Variants in RNF111 observed in about 807,000 individuals in gnomAD.
RNF111 encodes the protein E3 ubiquitin-protein ligase Arkadia.
A neutral mutation model predicts 95.1 loss-of-function variants in RNF111; 17 were observed. The observed-to-expected ratio is 0.18, with a 90% CI of 0.12 to 0.27. The LOEUF (loss-of-function observed/expected upper bound fraction) is 0.27. Among genes scored for constraint, RNF111 ranks in the 10% least tolerant of loss-of-function variants. The pLI, the probability that RNF111 is intolerant of heterozygous loss-of-function variation, is 1.00. For missense variants in RNF111, 1,189 were observed against 1,210.4 expected (o/e 0.98, Z 0.26); for synonymous variants, 440 against 414.8 (o/e 1.06, Z -0.74).
chr15:59,095,925 ATTAGT>A lies in RNF111; in HGVS notation c.*1029_*1033del, dbSNP rs1316522390. The A allele has an allele frequency of 5.0e-6, 2 of 397,888 alleles. No homozygotes were observed. The highest frequency in any genetic ancestry group is 4.1e-5 in the African/African-American group (2 of 48,606). The allele number at this position is 397,888 out of a possible 1,614,324, so 24.6% of individuals were successfully genotyped here. A position where few individuals can be genotyped will look rare whatever the true frequency, so the allele number is the denominator to read the frequency against. Reference sequence around the variant, plus strand: ...CCAGGATCACTTTTAAGGGATTTTTATTAGTTTAAAGGTAAATAAAGTCAGCTGAA... The same window carrying A: ...CCAGGATCACTTTTAAGGGATTTTTATTAAAGGTAAATAAAGTCAGCTGAA... On this transcript the variant is annotated 3_prime_UTR_variant, in exon 14 of 14. Transcript: ENST00000348370.
At chr15:59,035,281 C>T (rs745969875) in intron 2 of RNF111, among the ~76,000 whole-genome samples, 10 of 152,254 alleles carry the variant, frequency 6.6e-5, no homozygotes, top group South Asian at 2.1e-4. Context: ...CTGCCCCTGC[C>T]GCTTCCAAAT....
chr15:59,091,724 A>G (rs1384701928), intron 12 of RNF111, among the ~76,000 whole-genome samples: 1 of 152,156 alleles, frequency 6.6e-6, no homozygotes, highest in East Asian at 1.9e-4. Flanking sequence ...ACGGTCCCCA[A>G]CCTTTTTGAC....
intron 1 of RNF111, among the ~76,000 whole-genome samples, chr15:59,004,639 T>C (rs62002515): frequency 0.067 from 10,272 of 152,270 alleles, 495 homozygotes; most frequent in Admixed American, 0.18. Flanking sequence ...GAATTTTCAC[T>C]TCACTGTCTG....
Position 59,065,865 on chromosome 15 carries a change from G to A in RNF111, c.1367-899G>A, listed in dbSNP as rs551795244. Among the ~76,000 whole-genome samples, 91 of 152,250 alleles carry A rather than the reference G, an allele frequency of 6.0e-4. 1 individual carries two copies. Among genetic ancestry groups the A allele is most frequent in the Admixed American group, 1.7e-3 (26 of 15,292 alleles). ...GTCTCTACAAAAAATACAAAAATTA[G>A]CCAGGCGTGGTGGTGTGTGCCTATG... On this transcript the variant is annotated intron_variant, in intron 5 of 13. Coordinates refer to ENST00000348370, the MANE Select transcript of RNF111 (RefSeq NM_017610.8).
Position 59,052,328 on chromosome 15 carries a change from G to T in RNF111, c.904G>T (p.Val302Leu), listed in dbSNP as rs2042023205. The T allele has an allele frequency of 6.3e-7, 1 of 1,597,582 alleles. No homozygotes were observed. The highest frequency in any genetic ancestry group is 1.3e-5 in the African/African-American group (1 of 74,416). ...PSGSIDEDVVVIEASSTPQVT... is the reference protein window; with the variant it reads ...PSGSIDEDVVLIEASSTPQVT... ...AGGAAGTATTGATGAAGATGTTGTG[G>T]TGATAGAAGCTTCCTCCACTCCCCA... The change falls in exon 3 of 14, where the codon GTG becomes TTG. Residue 302 changes from valine (V) to leucine (L), a missense_variant. Around this residue, in one of 2 missense-constraint regions of RNF111, gnomAD observed 1,024 missense variants for 925.9 expected, o/e 1.11. Coordinates refer to ENST00000348370, the MANE Select transcript of RNF111 (RefSeq NM_017610.8).
chr15:59,058,035 T>A (rs546659458), intron 4 of RNF111, among the ~76,000 whole-genome samples: 2 of 152,224 alleles, frequency 1.3e-5, no homozygotes, highest in Admixed American at 1.3e-4. Flanking sequence ...TAAGGAACTT[T>A]TATTTCCTTT....
Position 59,052,382 on chromosome 15 carries a change from A to G in RNF111, c.958A>G (p.Thr320Ala), listed in dbSNP as rs1398048751. The G allele has an allele frequency of 1.2e-6, 2 of 1,603,852 alleles. No homozygotes were observed. The highest frequency in any genetic ancestry group is 1.7e-6 in the Non-Finnish European group (2 of 1,175,676). Reference protein sequence around the residue: ...QVTANEEINVTSTDSEVEIVT... With the variant: ...QVTANEEINVASTDSEVEIVT... The stretch of plus-strand genomic sequence containing the variant: ...TACTGCCAATGAAGAAATTAATGTT[A>G]CCTCAACTGACAGTGAAGTGGAGAT... Residue 320 changes from threonine (T) to alanine (A), a missense_variant, in exon 3 of 14, where the codon ACC (threonine) becomes GCC (alanine). By Grantham distance (58) the Thr-to-Ala change is moderately conservative. Coordinates refer to ENST00000348370, the MANE Select transcript of RNF111 (RefSeq NM_017610.8).
intron 1 of RNF111, among the ~76,000 whole-genome samples, chr15:59,029,765 G>A (rs1434893286): frequency 6.6e-6 from 1 of 152,192 alleles, no homozygotes. Context: ...ATGGGAAGAA[G>A]ATTTCTAGGG....
In RNF111 at chr15:59,058,566, G is replaced by A. The variant is rs747007408; in HGVS notation, c.1366+16G>A. 2 of 1,607,466 alleles carry A rather than the reference G, an allele frequency of 1.2e-6. No individual in the cohort carries two copies. The highest frequency in any genetic ancestry group is 1.1e-5 in the South Asian group (1 of 90,924). On this transcript the variant is annotated intron_variant, in intron 5 of 13. Coordinates refer to ENST00000348370, the MANE Select transcript of RNF111 (RefSeq NM_017610.8). ...TCTATAGGAGGTATGTAAAAAAGTG[G>A]GGGAGGGGAGACTTTTTGTCATTAC... is the stretch of plus-strand genomic sequence containing the variant.
Position 58,987,737 on chromosome 15 carries a change from G to A in RNF111, c.-351G>A. 1 of 181,220 alleles carries A rather than the reference G, an allele frequency of 5.5e-6. No individual in the cohort carries two copies. The highest frequency in any genetic ancestry group is 1.1e-4 in the South Asian group (1 of 8,802). 11.2% of individuals were successfully genotyped at this position (181,220 alleles called of 1,614,324 possible). A position where few individuals can be genotyped will look rare whatever the true frequency, so the allele number is the denominator to read the frequency against. ...GGCGAAGCGGCGGCGGCGGCTGTAGGGGAGCAGCGGCAGTGGCGGCGACGG... is the reference window on the plus strand; with the variant it reads ...GGCGAAGCGGCGGCGGCGGCTGTAGAGGAGCAGCGGCAGTGGCGGCGACGG... On this transcript the variant is annotated 5_prime_UTR_variant, in exon 1 of 14. Transcript: ENST00000348370.
intron 1 of RNF111, among the ~76,000 whole-genome samples, chr15:59,021,997 C>G (rs1376725476): frequency 2.0e-5 from 3 of 151,726 alleles, no homozygotes; most frequent in Admixed American, 6.6e-5. Context: ...GTAGCTGGAA[C>G]TACAGGCGCG....
At chr15:59,093,567 A>G (rs553570497) in intron 13 of RNF111, 91 of 283,090 alleles carry the variant, frequency 3.2e-4, no homozygotes, top group Non-Finnish European at 5.5e-4. Flanking sequence ...TAGTAGGACT[A>G]TTCCCTTCTT....
At chr15:59,054,657 T>C (rs960422885) in intron 3 of RNF111, among the ~76,000 whole-genome samples, 1 of 152,164 alleles carries the variant, frequency 6.6e-6, no homozygotes, top group East Asian at 1.9e-4. Context: ...AATTTTATTT[T>C]AGAATTTGAA....
intron 1 of RNF111, among the ~76,000 whole-genome samples, chr15:59,027,895 A>G (rs190605624): frequency 0.01 from 1,426 of 138,574 alleles, 15 homozygotes; most frequent in East Asian, 0.048. Flanking sequence ...GTGTGATCTC[A>G]GCTCACTACA....
intron 2 of RNF111, chr15:59,050,456 G>A (rs1214889555): frequency 1.3e-5 from 2 of 152,082 alleles, no homozygotes; most frequent in Non-Finnish European, 2.9e-5. Flanking sequence ...TTTAAAGTAT[G>A]TAAATTATAC....
intron 8 of RNF111, among the ~76,000 whole-genome samples, chr15:59,081,594 T>C (rs1045425483): frequency 6.6e-6 from 1 of 152,102 alleles, no homozygotes; most frequent in Non-Finnish European, 1.5e-5. Context: ...GTGAGGCTCA[T>C]TCCCGTAATC....
chr15:59,046,990 C>T (rs1304103850), intron 2 of RNF111, among the ~76,000 whole-genome samples: 1 of 151,976 alleles, frequency 6.6e-6, no homozygotes, highest in Non-Finnish European at 1.5e-5. Context: ...ACCTCAGCCT[C>T]CGGAGTAGCT....
chr15:59,045,316 G>A (rs190345785), intron 2 of RNF111, among the ~76,000 whole-genome samples: 100 of 151,548 alleles, frequency 6.6e-4, no homozygotes, highest in African/African-American at 2.3e-3. Context: ...TCAGCCTCCC[G>A]AGTAGCTGGG....
chr15:59,036,073 TA>T (rs1251916437), intron 2 of RNF111, among the ~76,000 whole-genome samples: 1 of 152,300 alleles, frequency 6.6e-6, no homozygotes, highest in Middle Eastern at 3.4e-3. Context: ...ATTCTATTTT[TA>T]TTTATTTATT....
Sources: gnomAD v4.1 joint callset for allele counts (sites outside exome capture counted in the v4.1 genomes callset) on GRCh38, gnomAD v4.1.1 for gene constraint, gnomAD v4.1.1 regional missense constraint, MANE v1.5 for transcripts, NCBI Gene and HGNC (gene_info 2026-07-23, HGNC 2026-07-21) for gene names.